Variants in NLGN1 observed in about 807,000 individuals in gnomAD.
The protein encoded by NLGN1 is neuroligin 1.
NLGN1 carries 12 observed loss-of-function variants against 65.5 expected under a neutral mutation model. The observed-to-expected ratio is 0.18, with a 90% CI of 0.12 to 0.30. The LOEUF is 0.30. Among genes scored for constraint, NLGN1 ranks in the 10% least tolerant of loss-of-function variants. The pLI, the probability that NLGN1 is intolerant of heterozygous loss-of-function variation, is 1.00. For synonymous variants in NLGN1, 350 were observed against 359.5 expected, an observed-to-expected ratio of 0.97 and a Z score of 0.30; for missense variants, 750 against 1,007.1, an observed-to-expected ratio of 0.74 and a Z score of 3.46.
intron 3 of NLGN1, among the ~76,000 whole-genome samples, chr3:173,662,355 A>C (rs1245211297): frequency 6.6e-6 from 1 of 151,996 alleles, no homozygotes; most frequent in Non-Finnish European, 1.5e-5. Flanking sequence ...GCCTTGACCA[A>C]ATCACTTTAT....
chr3:174,248,143 T>G (rs1045804987), intron 4 of NLGN1, among the ~76,000 whole-genome samples: 4 of 152,146 alleles, frequency 2.6e-5, no homozygotes, highest in African/African-American at 9.7e-5. Flanking sequence ...TAAAGGGACA[T>G]GTAGAGAGGA....
At chr3:174,069,931 C>T (rs575205532) in intron 4 of NLGN1, among the ~76,000 whole-genome samples, 1 of 152,294 alleles carries the variant, frequency 6.6e-6, no homozygotes, top group Non-Finnish European at 1.5e-5. Flanking sequence ...TCAGTAACCA[C>T]ATCTGTAAAA....
At chr3:173,472,854 G>A (rs1725533436) in intron 2 of NLGN1, among the ~76,000 whole-genome samples, 1 of 152,230 alleles carries the variant, frequency 6.6e-6, no homozygotes, top group Non-Finnish European at 1.5e-5. Flanking sequence ...AACCCTGAGT[G>A]TTTGACCCAA....
exon 3 of NLGN1, chr3:173,604,733 A>G (rs746654473): frequency 1.9e-6 from 3 of 1,613,652 alleles, no homozygotes; most frequent in Non-Finnish European, 2.5e-6. Flanking sequence ...ATGTGCTATC[A>G]CAAAAATTGG....
intron 1 of NLGN1, among the ~76,000 whole-genome samples, chr3:173,427,540 A>C (rs191074271): frequency 6.6e-6 from 1 of 151,888 alleles, no homozygotes; most frequent in East Asian, 1.9e-4. Flanking sequence ...AGGAATTTCA[A>C]AATTTTCTTT....
intron 4 of NLGN1, among the ~76,000 whole-genome samples, chr3:173,966,010 G>A (rs1164485690): frequency 1.3e-5 from 2 of 151,942 alleles, no homozygotes; most frequent in African/African-American, 4.8e-5. Context: ...TGGTATTTTG[G>A]GAACGTCTAA....
At chr3:174,135,265 A>G (rs1720995049) in intron 4 of NLGN1, among the ~76,000 whole-genome samples, 2 of 152,198 alleles carry the variant, frequency 1.3e-5, no homozygotes, top group Admixed American at 1.3e-4. Context: ...CTGATAAGGT[A>G]AAAAACATTT....
intron 4 of NLGN1, among the ~76,000 whole-genome samples, chr3:174,226,436 GTTGT>G (rs1017672450): frequency 2.0e-5 from 3 of 152,096 alleles, no homozygotes; most frequent in African/African-American, 7.2e-5. Flanking sequence ...TGTTTTGGGG[GTTGT>G]TTGCTTGGTG....
intron 3 of NLGN1, among the ~76,000 whole-genome samples, chr3:173,791,926 A>G (rs1359421333): frequency 6.6e-6 from 1 of 152,114 alleles, no homozygotes; most frequent in Non-Finnish European, 1.5e-5. Context: ...CTAGCGTCCT[A>G]TGAATCTGGG....
chr3:173,539,836 T>C (rs193256310), intron 2 of NLGN1, among the ~76,000 whole-genome samples: 176 of 140,018 alleles, frequency 1.3e-3, no homozygotes, highest in African/African-American at 4.3e-3. Context: ...TATGTATATA[T>C]GTTATATATA....
chr3:173,841,124 T>G (rs1578731194), intron 4 of NLGN1, among the ~76,000 whole-genome samples: 1 of 125,318 alleles, frequency 8.0e-6, no homozygotes, highest in Admixed American at 8.0e-5. Flanking sequence ...CCAAATAAAT[T>G]ATCATTGTAT....
chr3:174,088,364 C>A (rs575018760), intron 4 of NLGN1, among the ~76,000 whole-genome samples: 1 of 152,254 alleles, frequency 6.6e-6, no homozygotes, highest in East Asian at 1.9e-4. Context: ...GTTACAAGTT[C>A]CCATTTTACT....
chr3:173,837,554 G>A (rs1357755445), intron 4 of NLGN1, among the ~76,000 whole-genome samples: 1 of 152,004 alleles, frequency 6.6e-6, no homozygotes, highest in African/African-American at 2.4e-5. Flanking sequence ...TAAAAGAAAT[G>A]GCTGTCACCT....
chr3:173,523,035 A>AT (rs1446727173), intron 2 of NLGN1, among the ~76,000 whole-genome samples: 1 of 151,652 alleles, frequency 6.6e-6, no homozygotes, highest in Non-Finnish European at 1.5e-5. Context: ...TATATTGAGC[A>AT]TTTTTTATAT....
intron 4 of NLGN1, among the ~76,000 whole-genome samples, chr3:173,826,013 AAACTAAC>A (rs1024156865): frequency 1.0e-3 from 154 of 152,182 alleles, no homozygotes; most frequent in African/African-American, 3.7e-3. Context: ...CTAACACAAA[AAACTAAC>A]AAATGTAGTT....
chr3:173,897,961 A>C (rs1736625784), intron 4 of NLGN1, among the ~76,000 whole-genome samples: 1 of 152,228 alleles, frequency 6.6e-6, no homozygotes, highest in South Asian at 2.1e-4. Flanking sequence ...TGGAAAAATT[A>C]AAGAATTCAA....
intron 2 of NLGN1, among the ~76,000 whole-genome samples, chr3:173,593,100 A>G (rs1748814068): frequency 6.6e-6 from 1 of 152,096 alleles, no homozygotes; most frequent in South Asian, 2.1e-4. Context: ...CCCACTCCAT[A>G]TTCTTAAATC....
intron 4 of NLGN1, among the ~76,000 whole-genome samples, chr3:174,260,300 A>G (rs2152857109): frequency 6.7e-6 from 1 of 149,066 alleles, no homozygotes; most frequent in South Asian, 2.2e-4. Context: ...CAGTCCCACC[A>G]ACAGTGTAAA....
chr3:174,000,116 G>T (rs995929626), intron 4 of NLGN1, among the ~76,000 whole-genome samples: 3 of 152,084 alleles, frequency 2.0e-5, no homozygotes, highest in Admixed American at 6.6e-5. Flanking sequence ...GCAAGACTGA[G>T]TATTTTCGTT....
Sources: gnomAD v4.1 joint callset for allele counts (sites outside exome capture counted in the v4.1 genomes callset) on GRCh38, gnomAD v4.1.1 for gene constraint, MANE v1.5 for transcripts, NCBI Gene and HGNC (gene_info 2026-07-23, HGNC 2026-07-21) for gene names.